LIMCH1: variants seen among roughly 807,000 people sequenced by gnomAD.
The protein encoded by LIMCH1 is LIM and calponin homology domains 1.
A neutral mutation model predicts 176.5 loss-of-function variants in LIMCH1; 113 were observed. The observed-to-expected ratio is 0.64, with a 90% confidence interval of 0.55 to 0.75. The LOEUF (loss-of-function observed/expected upper bound fraction) is 0.75, where lower values mean the gene tolerates loss of function less well. Among genes scored for constraint, LIMCH1 ranks in the 30% least tolerant of loss-of-function variants. LIMCH1 has a pLI of 0.00. For missense variants in LIMCH1, 1,674 were observed against 1,814.9 expected (o/e 0.92, Z 1.41); for synonymous variants, 619 against 645.9 (o/e 0.96, Z 0.63).
intron 13 of LIMCH1, among the ~76,000 whole-genome samples, chr4:41,634,938 C>T (rs1016143128): frequency 6.6e-5 from 10 of 152,244 alleles, no homozygotes; most frequent in Middle Eastern, 3.4e-3. Flanking sequence ...CCTGGATCCG[C>T]GGGCTTCTGT....
chr4:41,475,767 G>A (rs576185447), intron 1 of LIMCH1, among the ~76,000 whole-genome samples: 1 of 152,184 alleles, frequency 6.6e-6, no homozygotes, highest in African/African-American at 2.4e-5. Flanking sequence ...AGTGCATGCG[G>A]AGCTTAAAAA....
In LIMCH1 at chr4:41,374,849, GC is replaced by G. The variant is rs1362381761; in HGVS notation, c.96+13914del. On this transcript the variant is annotated intron_variant, in intron 1 of 26. Transcript: ENST00000313860. ...GAAGGTCCAGGCTTTTCCACTAAAG[GC>G]TGGCTGGGAAAGAGCGACTCCAGTC... Among the ~76,000 whole-genome samples the G allele has an allele frequency of 3.3e-5, 5 of 152,248 alleles. No individual in the cohort carries two copies. In the East Asian group the frequency reaches 9.6e-4, roughly 29 times the overall value.
chr4:41,628,331 C>T (rs763941261), intron 8 of LIMCH1, among the ~76,000 whole-genome samples: 1 of 151,506 alleles, frequency 6.6e-6, no homozygotes, highest in Non-Finnish European at 1.5e-5. Context: ...CTATATTTGT[C>T]TGTTGTCACC....
Position 41,412,948 on chromosome 4 carries a change from T to C in LIMCH1, c.96+52012T>C, listed in dbSNP as rs142074854. On this transcript the variant is annotated intron_variant, in intron 1 of 26. Transcript: ENST00000313860. ...CAGCTTTGTAACCTAGGTAAGTTGC[T>C]GAAGTTGGGGCCTCAAATCTGGAGA... 5.2e-3 allele frequency among the ~76,000 whole-genome samples: 788 copies of C among 152,328 alleles called. 12 individuals are homozygous for C. The highest frequency in any genetic ancestry group is 0.018 in the African/African-American group (739 of 41,582).
intron 4 of LIMCH1, among the ~76,000 whole-genome samples, chr4:41,606,809 A>AT (rs1326633629): frequency 6.6e-6 from 1 of 151,922 alleles, no homozygotes; most frequent in Non-Finnish European, 1.5e-5. Flanking sequence ...TAATTATTTT[A>AT]TTTTTTTGAG....
chr4:41,421,613 T>G (rs1298968943), intron 1 of LIMCH1, among the ~76,000 whole-genome samples: 1 of 152,242 alleles, frequency 6.6e-6, no homozygotes, highest in Non-Finnish European at 1.5e-5. Context: ...GTTACTTTGG[T>G]TGATATTTTT....
intron 2 of LIMCH1, among the ~76,000 whole-genome samples, chr4:41,518,367 A>G (rs1269522833): frequency 6.6e-6 from 1 of 152,174 alleles, no homozygotes; most frequent in Non-Finnish European, 1.5e-5. Flanking sequence ...CTTCCAGAGT[A>G]GGGCTTTGAG....
intron 1 of LIMCH1, among the ~76,000 whole-genome samples, chr4:41,368,408 G>T (rs2053438564): frequency 6.6e-6 from 1 of 152,138 alleles, no homozygotes; most frequent in Non-Finnish European, 1.5e-5. Flanking sequence ...AATGTGGCAG[G>T]GGGACAGAGA....
chr4:41,364,305 A>G (rs1561130132), intron 1 of LIMCH1, among the ~76,000 whole-genome samples: 1 of 152,146 alleles, frequency 6.6e-6, no homozygotes, highest in Non-Finnish European at 1.5e-5. Context: ...TACCATTATT[A>G]TTACCACTGC....
chr4:41,619,746 C>T (rs1334761476), intron 6 of LIMCH1: 8 of 393,716 alleles, frequency 2.0e-5, no homozygotes, highest in Non-Finnish European at 3.3e-5. Context: ...TGTCCTTCTG[C>T]GGAGACTGCT....
chr4:41,507,065 G>C lies in LIMCH1; in HGVS notation c.167+12459G>C, dbSNP rs572979684. Among the ~76,000 whole-genome samples, 79 of 152,144 alleles carry C rather than the reference G, an allele frequency of 5.2e-4. 1 individual carries two copies. The highest frequency in any genetic ancestry group is 1.0e-3 in the Non-Finnish European group (71 of 68,034). On this transcript the variant is annotated intron_variant, in intron 2 of 26. Transcript: ENST00000313860. Reference sequence around the variant, plus strand: ...TATCAGAATGGCTCACAGAACTCCGGGGTACATCCGTGTATTTATGGATTT... The same window carrying C: ...TATCAGAATGGCTCACAGAACTCCGCGGTACATCCGTGTATTTATGGATTT...
intron 7 of LIMCH1, among the ~76,000 whole-genome samples, chr4:41,623,586 T>C (rs1425085828): frequency 6.6e-6 from 1 of 152,074 alleles, no homozygotes. Flanking sequence ...AGTGAAACCC[T>C]GTCTCCACTA....
intron 20 of LIMCH1, among the ~76,000 whole-genome samples, chr4:41,663,985 A>T (rs368330085): frequency 1.3e-5 from 2 of 151,982 alleles, no homozygotes; most frequent in African/African-American, 4.8e-5. Context: ...GGCTGCTGTG[A>T]GCTGTGATTA....
chr4:41,399,928 C>A (rs1238329742), intron 1 of LIMCH1, among the ~76,000 whole-genome samples: 1 of 149,040 alleles, frequency 6.7e-6, no homozygotes, highest in African/African-American at 2.5e-5. Context: ...GTGATTCGCC[C>A]ACCTCAGCCT....
chr4:41,694,942 G>A (rs892593841), intron 31 of LIMCH1, among the ~76,000 whole-genome samples: 2 of 151,814 alleles, frequency 1.3e-5, no homozygotes, highest in Non-Finnish European at 2.9e-5. Context: ...CTGCTTGGTG[G>A]GGGAAAAAAT....
intron 1 of LIMCH1, among the ~76,000 whole-genome samples, chr4:41,560,127 T>TA (rs2081875322): frequency 6.6e-6 from 1 of 152,130 alleles, no homozygotes; most frequent in African/African-American, 2.4e-5. Flanking sequence ...CTTAACACCT[T>TA]ATGTCCTTTA....
upstream of LIMCH1, among the ~76,000 whole-genome samples, chr4:41,360,366 T>G (rs2051818374): frequency 6.6e-6 from 1 of 151,744 alleles, no homozygotes; most frequent in South Asian, 2.1e-4. The surrounding 1 kb of genome is among the most constrained non-coding windows in gnomAD (Gnocchi z 4.5). Flanking sequence ...CGGGCCCGGG[T>G]GCGCCCCACT....
At chr4:41,361,358 C>T (rs760036966) in intron 1 of LIMCH1, among the ~76,000 whole-genome samples, 2 of 152,216 alleles carry the variant, frequency 1.3e-5, no homozygotes, top group African/African-American at 2.4e-5. Flanking sequence ...GCTTCTGGTC[C>T]CACATTTCGC....
At chr4:41,461,555 C>T (rs79965001) in intron 1 of LIMCH1, among the ~76,000 whole-genome samples, 5,593 of 152,150 alleles carry the variant, frequency 0.037, 364 homozygotes, top group African/African-American at 0.13. Flanking sequence ...CTCTAGAGCA[C>T]GAGTACAGTG....
Sources: allele counts gnomAD v4.1 joint callset (sites outside exome capture counted in the v4.1 genomes callset), GRCh38; gene constraint gnomAD v4.1.1; non-coding constraint Gnocchi (gnomAD v3.1); transcripts MANE v1.5; gene names NCBI Gene and HGNC (gene_info 2026-07-23, HGNC 2026-07-21).